The following PDE1C variants were observed in gnomAD, a reference collection of about 807,000 sequenced individuals.
The protein encoded by PDE1C is dual specificity calcium/calmodulin-dependent 3',5'-cyclic nucleotide phosphodiesterase 1C.
Under a neutral mutation model 93.1 loss-of-function variants are expected in PDE1C, and 62 were observed. The ratio of observed to expected loss-of-function variants is 0.67; its 90% CI spans 0.54 to 0.82. The LOEUF (loss-of-function observed/expected upper bound fraction) is 0.82. PDE1C is among the 40% of genes least tolerant of loss of function. PDE1C has a pLI of 0.00. For missense variants in PDE1C, 742 were observed against 884.6 expected (o/e 0.84, Z 2.04); for synonymous variants, 325 against 310.1 (o/e 1.05, Z -0.50).
chr7:31,942,897 T>G (rs994170982), intron 2 of PDE1C, among the ~76,000 whole-genome samples: 4 of 152,192 alleles, frequency 2.6e-5, no homozygotes, highest in African/African-American at 7.2e-5. Context: ...GAATCTTGTT[T>G]CTATCACTAA....
At chr7:32,147,267 AG>A (rs1418616446) in intron 3 of PDE1C, among the ~76,000 whole-genome samples, 2 of 87,800 alleles carry the variant, frequency 2.3e-5, no homozygotes, top group South Asian at 4.4e-4. Context: ...AAAGAAAGAA[AG>A]AAAAAAAGAA....
intron 2 of PDE1C, among the ~76,000 whole-genome samples, chr7:31,958,651 T>C (rs1351301555): frequency 6.6e-6 from 1 of 152,178 alleles, no homozygotes; most frequent in African/African-American, 2.4e-5. Context: ...TGCAAAATAA[T>C]TTATTATATA....
chr7:32,298,328 C>T (rs1812758239), intron 1 of PDE1C, among the ~76,000 whole-genome samples: 1 of 152,118 alleles, frequency 6.6e-6, no homozygotes, highest in African/African-American at 2.4e-5. Flanking sequence ...GCGTCTCCAG[C>T]CCTATTTCCA....
At chr7:32,142,702 T>G (rs1800609697) in intron 3 of PDE1C, among the ~76,000 whole-genome samples, 1 of 152,150 alleles carries the variant, frequency 6.6e-6, no homozygotes, top group Non-Finnish European at 1.5e-5. Flanking sequence ...AGCTAAGGCC[T>G]CTGAGATGGC....
chr7:31,746,795 A>G (rs558325194), downstream of PDE1C, among the ~76,000 whole-genome samples: 4 of 152,250 alleles, frequency 2.6e-5, no homozygotes, highest in African/African-American at 9.6e-5. Flanking sequence ...CACATGGACT[A>G]TGCTGTCGAC....
chr7:31,859,924 G>C (rs1227915172), intron 7 of PDE1C, among the ~76,000 whole-genome samples: 3 of 151,946 alleles, frequency 2.0e-5, no homozygotes, highest in Non-Finnish European at 4.4e-5. Context: ...TTGAATTTTA[G>C]TCATAGAAAT....
intron 2 of PDE1C, among the ~76,000 whole-genome samples, chr7:32,025,443 G>A (rs1278608511): frequency 6.6e-6 from 1 of 152,082 alleles, no homozygotes; most frequent in East Asian, 1.9e-4. Flanking sequence ...GTATGTATTT[G>A]GGGCTTGAAG....
intron 1 of PDE1C, among the ~76,000 whole-genome samples, chr7:32,249,116 C>A (rs1330510930): frequency 6.6e-6 from 1 of 151,926 alleles, no homozygotes; most frequent in Non-Finnish European, 1.5e-5. Flanking sequence ...GGGGGCATAA[C>A]AAGGTACCCT....
the PDE1C span, among the ~76,000 whole-genome samples, chr7:31,735,030 C>T: frequency 6.6e-6 from 1 of 152,160 alleles, no homozygotes; most frequent in East Asian, 1.9e-4. Flanking sequence ...TGCAGAGCCT[C>T]CCGCCCCACC....
intron 1 of PDE1C, among the ~76,000 whole-genome samples, chr7:32,294,363 T>C (rs939841759): frequency 2.0e-5 from 3 of 152,226 alleles, no homozygotes; most frequent in African/African-American, 7.2e-5. Context: ...GGTTCATTTT[T>C]GAAGGAAGCA....
intron 1 of PDE1C, among the ~76,000 whole-genome samples, chr7:32,260,403 CTG>C (rs1810111813): frequency 6.6e-6 from 1 of 152,232 alleles, no homozygotes; most frequent in Non-Finnish European, 1.5e-5. Flanking sequence ...GCCCTGAGCA[CTG>C]TGAGATGACG....
intron 2 of PDE1C, among the ~76,000 whole-genome samples, chr7:31,900,067 A>T (rs1239957397): frequency 6.6e-6 from 1 of 152,220 alleles, no homozygotes; most frequent in Non-Finnish European, 1.5e-5. Flanking sequence ...GTATTTTTTC[A>T]TATTGGAAAA....
At chr7:32,407,251 G>A (rs543629219) in intron 1 of PDE1C, among the ~76,000 whole-genome samples, 18 of 152,218 alleles carry the variant, frequency 1.2e-4, no homozygotes, top group African/African-American at 4.1e-4. Context: ...GTCCAGCCTG[G>A]GTGACAGAGC....
intron 2 of PDE1C, among the ~76,000 whole-genome samples, chr7:32,026,329 G>A (rs1270960003): frequency 6.6e-6 from 1 of 152,058 alleles, no homozygotes. Flanking sequence ...CCATCCTCTG[G>A]TCTGCCATCT....
At chr7:31,844,783 G>T (rs1178290627) in intron 9 of PDE1C, among the ~76,000 whole-genome samples, 1 of 151,442 alleles carries the variant, frequency 6.6e-6, no homozygotes, top group Non-Finnish European at 1.5e-5. Context: ...CCTTATGTTG[G>T]CTCATATAAA....
At chr7:31,717,450 T>A in the PDE1C span, among the ~76,000 whole-genome samples, 1 of 151,986 alleles carries the variant, frequency 6.6e-6, no homozygotes, top group Admixed American at 6.6e-5. Context: ...CCAGAGTGTG[T>A]GAATGTTTGC....
Position 32,011,753 on chromosome 7 carries a change from A to G in PDE1C, c.128+39801T>C, listed in dbSNP as rs1787150525. On this transcript the variant is annotated intron_variant, in intron 2 of 17. Coordinates refer to ENST00000396191, the MANE Select transcript of PDE1C (RefSeq NM_001191057.4). Reference sequence around the variant, plus strand: ...GGAATGTAAAATGGTACAACTTTGGAAAAAAGTTTGACAGTTTCTTAAACC... The same window carrying G: ...GGAATGTAAAATGGTACAACTTTGGGAAAAAGTTTGACAGTTTCTTAAACC... Among the ~76,000 whole-genome samples, 2 of 152,170 alleles carry G rather than the reference A, an allele frequency of 1.3e-5. 1 individual carries two copies. Among genetic ancestry groups the G allele is most frequent in the Admixed American group, 1.3e-4 (2 of 15,270 alleles).
chr7:31,899,650 C>T lies in PDE1C; in HGVS notation c.129-18790G>A, dbSNP rs118188650. Among the ~76,000 whole-genome samples, 1,336 of 152,248 alleles carry T rather than the reference C, an allele frequency of 8.8e-3. 11 individuals are homozygous for T. The highest frequency in any genetic ancestry group is 0.024 in the Middle Eastern group (7 of 294). On this transcript the variant is annotated intron_variant, in intron 2 of 17. Transcript: ENST00000396191. ...AAGAGACAGGGTGGAAAAAAGGAGG[C>T]TTCCACGTGCGGGAGACAGAGAAGG... is the stretch of plus-strand genomic sequence containing the variant.
chr7:31,964,651 C>T (rs552089649), intron 2 of PDE1C, among the ~76,000 whole-genome samples: 44 of 152,362 alleles, frequency 2.9e-4, no homozygotes, highest in African/African-American at 9.6e-4. Context: ...AACGGGCAGA[C>T]TGCCTCCTCA....
Sources: gnomAD v4.1 joint callset for allele counts (sites outside exome capture counted in the v4.1 genomes callset) on GRCh38, gnomAD v4.1.1 for gene constraint, MANE v1.5 for transcripts, NCBI Gene and HGNC (gene_info 2026-07-23, HGNC 2026-07-21) for gene names.